FNDC3A: variants seen among roughly 807,000 people sequenced by gnomAD.
FNDC3A encodes fibronectin type-III domain-containing protein 3A.
In FNDC3A, 32 loss-of-function variants were observed where a neutral mutation model predicts 148.9. That is an observed-to-expected ratio of 0.21 (90% CI 0.16 to 0.29). FNDC3A has a LOEUF of 0.29. Ranked by LOEUF, FNDC3A falls within the 10% of genes least tolerant of loss-of-function variation. FNDC3A has a pLI of 1.00. For synonymous variants in FNDC3A, 472 were observed against 473.6 expected (o/e 1.00, Z 0.04); for missense variants, 1,191 against 1,452.8 (o/e 0.82, Z 2.93).
chr13:49,079,698 T>G (rs1878346048), intron 3 of FNDC3A, among the ~76,000 whole-genome samples: 1 of 152,176 alleles, frequency 6.6e-6, no homozygotes, highest in South Asian at 2.1e-4. Context: ...TAATAACATG[T>G]AATCTTTCAA....
At chr13:49,110,509 T>C (rs886296949) in intron 3 of FNDC3A, 16 of 803,842 alleles carry the variant, frequency 2.0e-5, no homozygotes, top group Non-Finnish European at 3.3e-5. Context: ...ATGCTAAATA[T>C]CATCGCCATA....
intron 2 of FNDC3A, among the ~76,000 whole-genome samples, chr13:49,045,255 G>A (rs1875300981): frequency 6.6e-6 from 1 of 151,976 alleles, no homozygotes; most frequent in South Asian, 2.1e-4. Flanking sequence ...CCAGGTTCAA[G>A]CAATTCTTCT....
intron 2 of FNDC3A, 56 bp downstream of exon 2, chr13:49,006,345 A>C (rs1952221223): frequency 1.1e-6 from 1 of 931,938 alleles, no homozygotes. Flanking sequence ...ATTTATGCAA[A>C]ATTTAAAACA....
chr13:49,187,933 C>T (rs1375699567), intron 16 of FNDC3A, among the ~76,000 whole-genome samples: 1 of 152,048 alleles, frequency 6.6e-6, no homozygotes, highest in Non-Finnish European at 1.5e-5. Flanking sequence ...TACACCTAGA[C>T]CAAGTCATTA....
intron 3 of FNDC3A, among the ~76,000 whole-genome samples, chr13:49,087,271 T>G (rs1878879251): frequency 6.6e-6 from 1 of 152,156 alleles, no homozygotes; most frequent in South Asian, 2.1e-4. Context: ...TCCAGAAAGA[T>G]GAGTATGTGA....
intron 25 of FNDC3A, among the ~76,000 whole-genome samples, chr13:49,205,304 G>A (rs990100057): frequency 1.3e-5 from 2 of 152,048 alleles, no homozygotes; most frequent in Non-Finnish European, 2.9e-5. Flanking sequence ...AAAGTATAAA[G>A]ACAAAAATCA....
chr13:49,107,809 A>G (rs142181964), intron 3 of FNDC3A, among the ~76,000 whole-genome samples: 143 of 152,334 alleles, frequency 9.4e-4, no homozygotes, highest in African/African-American at 3.1e-3. Flanking sequence ...ATTCCTGAGC[A>G]GTGCTGACAG....
intron 2 of FNDC3A, among the ~76,000 whole-genome samples, chr13:49,057,892 G>T (rs1345603909): frequency 1.3e-5 from 2 of 152,104 alleles, no homozygotes; most frequent in African/African-American, 4.8e-5. Flanking sequence ...TAGTAGAGTA[G>T]TATTTTTCCT....
chr13:49,094,183 C>T (rs988277880), intron 3 of FNDC3A, among the ~76,000 whole-genome samples: 4 of 152,000 alleles, frequency 2.6e-5, no homozygotes, highest in Non-Finnish European at 4.4e-5. Flanking sequence ...AAATCTTCAT[C>T]AATTGGTTTT....
chr13:49,193,629 T>C (rs1263872262), intron 19 of FNDC3A, among the ~76,000 whole-genome samples: 1 of 152,194 alleles, frequency 6.6e-6, no homozygotes, highest in Non-Finnish European at 1.5e-5. Flanking sequence ...TACTATTAAA[T>C]GACATATTGG....
At chr13:49,091,847 A>G (rs1465768335) in intron 3 of FNDC3A, among the ~76,000 whole-genome samples, 1 of 152,184 alleles carries the variant, frequency 6.6e-6, no homozygotes, top group Non-Finnish European at 1.5e-5. Context: ...CCATTTGATG[A>G]TGGAATGCTG....
At chr13:49,150,817 C>T (rs896806046) in intron 8 of FNDC3A, among the ~76,000 whole-genome samples, 23 of 151,654 alleles carry the variant, frequency 1.5e-4, no homozygotes, top group Middle Eastern at 3.4e-3. Flanking sequence ...TGGTGGTGCA[C>T]GCCTGTAGTC....
At chr13:49,081,880 A>T (rs1456704033) in intron 3 of FNDC3A, among the ~76,000 whole-genome samples, 1 of 151,920 alleles carries the variant, frequency 6.6e-6, no homozygotes, top group East Asian at 1.9e-4. Flanking sequence ...TGATCATCAG[A>T]CCGTTGCCAG....
chr13:49,119,043 C>T (rs879644688), intron 4 of FNDC3A, among the ~76,000 whole-genome samples: 1 of 152,214 alleles, frequency 6.6e-6, no homozygotes, highest in Non-Finnish European at 1.5e-5. Flanking sequence ...TTCCCTAACC[C>T]CCGTGCCTCC....
chr13:49,133,053 A>G lies in FNDC3A; in HGVS notation c.490+1679A>G, dbSNP rs550571719. 2.6e-5 allele frequency among the ~76,000 whole-genome samples: 4 copies of G among 152,306 alleles called. No individual in the cohort carries two copies. In the South Asian group the frequency reaches 8.3e-4, roughly 32 times the overall value. On this transcript the variant is annotated intron_variant, in intron 5 of 25. Coordinates refer to ENST00000492622, the MANE Select transcript of FNDC3A (RefSeq NM_001079673.2). The stretch of plus-strand genomic sequence containing the variant: ...AAATACAAAATTGAAATTACACAAC[A>G]CAGCCTGTAAATAGTGGATATATTG...
chr13:49,046,766 C>G (rs1482784919), intron 2 of FNDC3A: 1 of 152,140 alleles, frequency 6.6e-6, no homozygotes, highest in African/African-American at 2.4e-5. Flanking sequence ...GAAAAATCAT[C>G]ACATAATGAG....
intron 3 of FNDC3A, among the ~76,000 whole-genome samples, chr13:49,101,801 T>G (rs926737996): frequency 4.0e-5 from 6 of 151,274 alleles, no homozygotes; most frequent in South Asian, 2.1e-4. Flanking sequence ...TTAGTTTTTT[T>G]TTTTTTTTTT....
chr13:49,132,356 A>C (rs112535050), intron 5 of FNDC3A, among the ~76,000 whole-genome samples: 80 of 152,306 alleles, frequency 5.3e-4, no homozygotes, highest in African/African-American at 1.6e-3. Flanking sequence ...TGCAATTAGA[A>C]TAAAATCCTA....
chr13:49,145,835 A>G lies in FNDC3A; in HGVS notation c.877A>G (p.Ile293Val). 6.2e-7 allele frequency: 1 copy of G among 1,613,666 alleles called. No individual in the cohort carries two copies. Among genetic ancestry groups the G allele is most frequent in the Non-Finnish European group, 8.5e-7 (1 of 1,179,586 alleles). The change falls in exon 8 of 26, where the codon ATT (isoleucine) becomes GTT (valine). Residue 293 changes from isoleucine (I) to valine (V), a missense_variant. Transcript: ENST00000492622. ...VLTWSPPSSLINGETDESSVP... is the reference protein window; with the variant it reads ...VLTWSPPSSLVNGETDESSVP... ...TACCTGGTCACCACCTTCCAGCCTC[A>G]TTAATGGTGAAACAGATGAAAGTAG...
Sources: allele counts gnomAD v4.1 joint callset (sites outside exome capture counted in the v4.1 genomes callset), GRCh38; gene constraint gnomAD v4.1.1; transcripts MANE v1.5; gene names NCBI Gene and HGNC (gene_info 2026-07-23, HGNC 2026-07-21).